CNTNAP5: variants seen among roughly 807,000 people sequenced by gnomAD.
The protein encoded by CNTNAP5 is contactin associated protein family member 5, also known as contactin-associated protein-like 5.
Under a neutral mutation model 150.2 loss-of-function variants are expected in CNTNAP5, and 72 were observed. The ratio of observed to expected loss-of-function variants is 0.48; its 90% CI spans 0.40 to 0.58. The LOEUF (loss-of-function observed/expected upper bound fraction) is 0.58, where lower values mean the gene tolerates loss of function less well. Among genes scored for constraint, CNTNAP5 ranks in the 20% least tolerant of loss-of-function variants. CNTNAP5 has a pLI of 0.00. For synonymous variants in CNTNAP5, 672 were observed against 619.8 expected (o/e 1.08, Z -1.25); for missense variants, 1,636 against 1,626.2 (o/e 1.01, Z -0.10).
rs190418968 is a variant in CNTNAP5, at chr2:124,158,487, C to T, written c.83-63218C>T. On this transcript the variant is annotated intron_variant, in intron 1 of 23. Coordinates refer to ENST00000682447, the MANE Select transcript of CNTNAP5 (RefSeq NM_001367498.1). Reference sequence around the variant, plus strand: ...GTTGCTTAAATTCAACGTAATACTACCATGTGTGGCCAATTCACGTTTTGC... The same window carrying T: ...GTTGCTTAAATTCAACGTAATACTATCATGTGTGGCCAATTCACGTTTTGC... Among the ~76,000 whole-genome samples the T allele has an allele frequency of 2.3e-3, 354 of 152,232 alleles. 2 individuals carry two copies. Among genetic ancestry groups the T allele is most frequent in the African/African-American group, 8.3e-3 (344 of 41,534 alleles).
intron 10 of CNTNAP5, among the ~76,000 whole-genome samples, chr2:124,542,960 A>T (rs1432152268): frequency 6.6e-6 from 1 of 152,154 alleles, no homozygotes; most frequent in African/African-American, 2.4e-5. Context: ...GATAATCTTT[A>T]ATGTCATTGT....
At chr2:124,279,588 T>C in intron 3 of CNTNAP5, among the ~76,000 whole-genome samples, 1 of 152,160 alleles carries the variant, frequency 6.6e-6, no homozygotes, top group Non-Finnish European at 1.5e-5. Context: ...AGACACAGAT[T>C]CTGATAAGTA....
At chr2:124,126,756 T>C (rs1179666757) in intron 1 of CNTNAP5, among the ~76,000 whole-genome samples, 6 of 152,176 alleles carry the variant, frequency 3.9e-5, no homozygotes, top group Non-Finnish European at 7.3e-5. Flanking sequence ...TGGTTCAACA[T>C]ACACAAATCA....
intron 11 of CNTNAP5, among the ~76,000 whole-genome samples, chr2:124,598,400 G>A (rs1696883437): frequency 8.5e-6 from 1 of 118,266 alleles, no homozygotes; most frequent in African/African-American, 3.1e-5. Flanking sequence ...GGAATACCCT[G>A]CCGTGTGAGG....
At chr2:124,832,919 C>CTTTTTT (rs539240335) in intron 19 of CNTNAP5, among the ~76,000 whole-genome samples, 1 of 143,204 alleles carries the variant, frequency 7.0e-6, no homozygotes, top group African/African-American at 2.6e-5. Flanking sequence ...TTTTCTTTTC[C>CTTTTTT]TTTTTTTTTT....
intron 17 of CNTNAP5, among the ~76,000 whole-genome samples, chr2:124,786,391 GA>G (rs1233329062): frequency 0.017 from 1,395 of 82,568 alleles, 5 homozygotes; most frequent in Non-Finnish European, 0.022. Flanking sequence ...AAGAAAGAAA[GA>G]AAGAAAGAAG....
intron 19 of CNTNAP5, among the ~76,000 whole-genome samples, chr2:124,802,975 C>T (rs1021930899): frequency 2.6e-5 from 4 of 152,000 alleles, no homozygotes; most frequent in East Asian, 1.9e-4. Flanking sequence ...ATTAGCCAGG[C>T]ATGGTGGCGG....
At chr2:124,564,700 G>C (rs1249221908) in intron 11 of CNTNAP5, among the ~76,000 whole-genome samples, 1 of 152,118 alleles carries the variant, frequency 6.6e-6, no homozygotes, top group African/African-American at 2.4e-5. Context: ...ACCACGGGTA[G>C]GGGGAAACAC....
At position 124,076,223 on chromosome 2, in the gene CNTNAP5, CCTGA is replaced by C. The variant is rs1444566872; in HGVS notation, c.82+50495_82+50498del. On this transcript the variant is annotated intron_variant, in intron 1 of 23. Transcript: ENST00000682447. Reference sequence around the variant, plus strand: ...TCACATTCTTTGTCTCGACTCGAACCCTGACTGTGATCTCTGTCAATTAAGCTTC... The same window carrying C: ...TCACATTCTTTGTCTCGACTCGAACCCTGTGATCTCTGTCAATTAAGCTTC... Among the ~76,000 whole-genome samples, 4 of 152,086 alleles carry C rather than the reference CCTGA, an allele frequency of 2.6e-5. No individual in the cohort carries two copies. The East Asian group carries it at 7.7e-4, about 29-fold the overall frequency.
At chr2:124,481,640 A>G (rs1693764094) in intron 7 of CNTNAP5, among the ~76,000 whole-genome samples, 1 of 152,144 alleles carries the variant, frequency 6.6e-6, no homozygotes, top group Non-Finnish European at 1.5e-5. Context: ...ACCACAGTTT[A>G]TTGACAATTT....
At chr2:124,624,267 GA>G in intron 12 of CNTNAP5, among the ~76,000 whole-genome samples, 1 of 152,218 alleles carries the variant, frequency 6.6e-6, no homozygotes, top group Non-Finnish European at 1.5e-5. Context: ...GGCACTTAGA[GA>G]AATTCCTTTC....
chr2:124,753,086 G>T (rs1680764783), intron 14 of CNTNAP5, among the ~76,000 whole-genome samples: 1 of 152,086 alleles, frequency 6.6e-6, no homozygotes, highest in Non-Finnish European at 1.5e-5. Flanking sequence ...TTGATTTTTA[G>T]TAACTCTGTT....
At chr2:124,269,434 G>T (rs1031541984) in intron 3 of CNTNAP5, among the ~76,000 whole-genome samples, 2 of 152,050 alleles carry the variant, frequency 1.3e-5, no homozygotes, top group African/African-American at 2.4e-5. Context: ...CTGCTTATCT[G>T]CTAGTAATGC....
At chr2:124,049,446 C>G (rs1573717580) in intron 1 of CNTNAP5, among the ~76,000 whole-genome samples, 1 of 152,156 alleles carries the variant, frequency 6.6e-6, no homozygotes, top group Non-Finnish European at 1.5e-5. Context: ...ACAGTCAAAA[C>G]TTTTATGTAT....
At chr2:124,298,541 AC>A (rs1365975507) in intron 3 of CNTNAP5, among the ~76,000 whole-genome samples, 1 of 152,112 alleles carries the variant, frequency 6.6e-6, no homozygotes, top group Non-Finnish European at 1.5e-5. Context: ...AGTCCTGAAG[AC>A]CTTCCTCTGG....
chr2:124,683,383 A>G (rs924534144), intron 13 of CNTNAP5, among the ~76,000 whole-genome samples: 5 of 152,172 alleles, frequency 3.3e-5, no homozygotes, highest in African/African-American at 1.2e-4. Context: ...TTTTTTTATT[A>G]AAACAGTTTT....
chr2:124,905,038 C>CAAA (rs55882801), intron 22 of CNTNAP5, among the ~76,000 whole-genome samples: 115 of 50,740 alleles, frequency 2.3e-3, no homozygotes, highest in African/African-American at 8.3e-3. Flanking sequence ...AACTCAATAG[C>CAAA]AAAAAAAAAA....
intron 7 of CNTNAP5, among the ~76,000 whole-genome samples, chr2:124,492,659 C>A (rs1694057768): frequency 1.3e-5 from 2 of 152,086 alleles, no homozygotes; most frequent in African/African-American, 4.8e-5. Context: ...ATACAGATGA[C>A]TTTGGGTAGT....
At chr2:124,422,234 A>G (rs982399893) in intron 4 of CNTNAP5, among the ~76,000 whole-genome samples, 1 of 152,196 alleles carries the variant, frequency 6.6e-6, no homozygotes, top group Admixed American at 6.5e-5. Context: ...TTTTTCCAAA[A>G]GTTTAGTTGA....
Sources: allele counts gnomAD v4.1 joint callset (sites outside exome capture counted in the v4.1 genomes callset), GRCh38; gene constraint gnomAD v4.1.1; transcripts MANE v1.5; gene names NCBI Gene and HGNC (gene_info 2026-07-23, HGNC 2026-07-21).